Variants in BOD1L1 observed in about 807,000 individuals in gnomAD.
BOD1L1 encodes biorientation of chromosomes in cell division 1 like 1.
BOD1L1 carries 86 observed loss-of-function variants against 240.7 expected under a neutral mutation model. The ratio of observed to expected loss-of-function variants is 0.36; its 90% CI spans 0.30 to 0.43. The LOEUF is 0.43. BOD1L1 is among the 20% of genes least tolerant of loss of function. BOD1L1 has a pLI of 1.00. For missense variants in BOD1L1, 3,554 were observed against 3,643.5 expected (o/e 0.98, Z 0.63); for synonymous variants, 1,268 against 1,272.3 (o/e 1.00, Z 0.07).
At position 13,620,028 on chromosome 4, in the gene BOD1L1, C is replaced by T. The variant is rs766012278; in HGVS notation, c.283G>A (p.Val95Ile). The T allele has an allele frequency of 6.2e-7, 1 of 1,600,368 alleles. No homozygotes were observed. The highest frequency in any genetic ancestry group is 1.1e-5 in the South Asian group (1 of 90,092). ...QNLRQRVDNF[V>I]ANHLATHTWS... The stretch of plus-strand genomic sequence containing the variant: ...GTGTGAGTTGCCAAGTGATTTGCAA[C>T]AAAGTTGTCAACACGCTGTCTCAGA... Residue 95 changes from valine to isoleucine, a missense_variant, in exon 2 of 26, where the codon GTT (valine) becomes ATT (isoleucine). By Grantham distance (29) the Val-to-Ile change is conservative (BLOSUM62 3). Around this residue, in one of 2 missense-constraint regions of BOD1L1, gnomAD observed 161 missense variants for 216.4 expected, o/e 0.74. Transcript: ENST00000040738.
rs765783392 is a variant in BOD1L1 at position 13,601,350 on chromosome 4, A to G, written c.5550T>C (p.Asp1850=). The G allele has an allele frequency of 6.2e-7, 1 of 1,613,982 alleles. No individual in the cohort carries two copies. Among genetic ancestry groups the G allele is most frequent in the Non-Finnish European group, 8.5e-7 (1 of 1,179,906 alleles). The part of the protein sequence containing the change: ...NVPLVAAGPC[D]DEGIVTSTGA... ...CTGTGCTAGTCACAATGCCTTCATC[A>G]TCACAAGGACCAGCAGCAACTAATG... Residue 1850 remains aspartate, a synonymous_variant, in exon 10 of 26, where the codon GAT becomes GAC. Transcript: ENST00000040738.
At chr4:13,583,004 C>A (rs1418535832) in intron 17 of BOD1L1, among the ~76,000 whole-genome samples, 1 of 152,140 alleles carries the variant, frequency 6.6e-6, no homozygotes, top group East Asian at 1.9e-4. Flanking sequence ...AGAAATTGTT[C>A]TTCTCCTCCC....
intron 12 of BOD1L1, chr4:13,592,602 T>C (rs915140914): frequency 1.3e-5 from 2 of 152,250 alleles, no homozygotes; most frequent in Non-Finnish European, 2.9e-5. Context: ...CGTTAATTAT[T>C]TGTAGTATAA....
At chr4:13,591,627 C>T (rs1397229754) in intron 13 of BOD1L1, among the ~76,000 whole-genome samples, 1 of 152,154 alleles carries the variant, frequency 6.6e-6, no homozygotes, top group African/African-American at 2.4e-5. Context: ...TCTATTTTGT[C>T]TATAGCACCA....
chr4:13,581,088 C>T (rs1159382841), intron 20 of BOD1L1, 34 bp from the exon 21 acceptor site: 4 of 1,562,016 alleles, frequency 2.6e-6, no homozygotes, highest in African/African-American at 2.7e-5. Context: ...AAAATCGGTT[C>T]GAAAATTTCT....
At chr4:13,577,217 T>C (rs1453482847) in intron 24 of BOD1L1, among the ~76,000 whole-genome samples, 186 bp downstream of exon 24, 6 of 152,158 alleles carry the variant, frequency 3.9e-5, no homozygotes, top group Non-Finnish European at 8.8e-5. Context: ...TCATAAAAAA[T>C]TGACATGTAC....
In BOD1L1 at chr4:13,599,511, ATTC is replaced by A; in HGVS notation, c.7386_7388del (p.Lys2462del). The A allele has an allele frequency of 6.2e-7, 1 of 1,613,790 alleles. No individual in the cohort carries two copies. The highest frequency in any genetic ancestry group is 2.2e-5 in the East Asian group (1 of 44,854). On this transcript the variant is annotated inframe_deletion, in exon 10 of 26. Coordinates refer to ENST00000040738, the MANE Select transcript of BOD1L1 (RefSeq NM_148894.3). ...CTTTCTGAAGGGAGTTCAACAATAC[ATTC>A]TTCTCTTCTGCATTTATGAGGTGTA...
chr4:13,612,195 G>A (rs983636125), intron 5 of BOD1L1, among the ~76,000 whole-genome samples: 3 of 152,182 alleles, frequency 2.0e-5, no homozygotes, highest in South Asian at 4.1e-4. Flanking sequence ...AAAAATGGGA[G>A]GCATTGAGAA....
rs2108944598 is a variant in BOD1L1, at chr4:13,600,978, ACCT to A, written c.5919_5921del (p.Gly1974del). 1.2e-6 allele frequency: 2 copies of A among 1,613,700 alleles called. No homozygotes were observed. Among genetic ancestry groups the A allele is most frequent in the East Asian group, 4.5e-5 (2 of 44,858 alleles). On this transcript the variant is annotated inframe_deletion, in exon 10 of 26. Transcript: ENST00000040738. ...CAGCACTAGTCATAGGACCCTCACA[ACCT>A]CCTGGAACTGGTGTCACTTCATCCT...
At chr4:13,606,510 G>A (rs1715712841) in intron 9 of BOD1L1, among the ~76,000 whole-genome samples, 1 of 152,050 alleles carries the variant, frequency 6.6e-6, no homozygotes, top group African/African-American at 2.4e-5. Flanking sequence ...TTTGTCCCAC[G>A]AAAATAATCC....
chr4:13,599,484 T>A lies in BOD1L1; in HGVS notation c.7416A>T (p.Glu2472Asp). 6.2e-7 allele frequency: 1 copy of A among 1,614,028 alleles called. No individual in the cohort carries two copies. Among genetic ancestry groups the A allele is most frequent in the Non-Finnish European group, 8.5e-7 (1 of 1,179,896 alleles). The change falls in exon 10 of 26, where the codon GAA becomes GAT. Residue 2472 changes from glutamate to aspartate, a missense_variant. Glu to Asp is a conservative substitution (Grantham distance 45). This residue lies in a region of BOD1L1 where 3,393 missense variants were observed against 3,427.1 expected (regional missense o/e 0.99). Transcript: ENST00000040738. ...CTGTCCCTGTCTCTGGGCTCTTATC[T>A]TCTTTCTGAAGGGAGTTCAACAATA... is the stretch of plus-strand genomic sequence containing the variant. ...KNVLLNSLQK[E>D]DKSPETGTAG...
At chr4:13,572,024 T>C (rs1053736924) in intron 25 of BOD1L1, among the ~76,000 whole-genome samples, 4 of 152,174 alleles carry the variant, frequency 2.6e-5, no homozygotes, top group South Asian at 2.1e-4. Flanking sequence ...TTTTTGAATA[T>C]GATAATGTAT....
At chr4:13,606,877 A>G (rs1271676878) in intron 9 of BOD1L1, among the ~76,000 whole-genome samples, 1 of 152,124 alleles carries the variant, frequency 6.6e-6, no homozygotes, top group African/African-American at 2.4e-5. Flanking sequence ...TTGCAATTAT[A>G]AGAAATGGGA....
chr4:13,582,382 C>A, intron 18 of BOD1L1, 72 bp from the exon 19 acceptor site: 16 of 1,164,628 alleles, frequency 1.4e-5, no homozygotes, highest in Non-Finnish European at 1.9e-5. Context: ...CCCAGGTGAC[C>A]TACACAGCTG....
At position 13,614,343 on chromosome 4, in the gene BOD1L1, C is replaced by T; in HGVS notation, c.1027G>A (p.Glu343Lys). 1 of 1,550,392 alleles carries T rather than the reference C, an allele frequency of 6.4e-7. No individual in the cohort carries two copies. The change falls in exon 4 of 26, where the codon GAA becomes AAA. Residue 343 changes from glutamate to lysine, a missense_variant. This residue lies in a region of BOD1L1 where 3,393 missense variants were observed against 3,427.1 expected (regional missense o/e 0.99). Coordinates refer to ENST00000040738, the MANE Select transcript of BOD1L1 (RefSeq NM_148894.3). Reference sequence around the variant, plus strand: ...TTTTTTGAGTGATCAAATTTCTTTTCAGTCTTTTCCTTCTTTTCTTTCTTT... The same window carrying T: ...TTTTTTGAGTGATCAAATTTCTTTTTAGTCTTTTCCTTCTTTTCTTTCTTT... ...ERKKEKKEKT[E>K]KKFDHSKKSE... is the part of the protein sequence containing the mutation.
At position 13,579,957 on chromosome 4, in the gene BOD1L1, G is replaced by A. The variant is rs143854601; in HGVS notation, c.8720C>T (p.Ser2907Phe). 2 of 1,559,016 alleles carry A rather than the reference G, an allele frequency of 1.3e-6. No homozygotes were observed. Among genetic ancestry groups the A allele is most frequent in the Non-Finnish European group, 1.7e-6 (2 of 1,150,382 alleles). ...TTGCATTACTTTCAGTTTGCTGCTAGATGGAGATTGTTCTACCTATGTTTA... is the reference window on the plus strand; with the variant it reads ...TTGCATTACTTTCAGTTTGCTGCTAAATGGAGATTGTTCTACCTATGTTTA... ...TGIVTVEQSPSSSKLKVMQTD... is the reference protein window; with the variant it reads ...TGIVTVEQSPFSSKLKVMQTD... The change falls in exon 22 of 26, where the codon TCT (serine) becomes TTT (phenylalanine). Residue 2907 changes from serine (S) to phenylalanine (F), a missense_variant. Coordinates refer to ENST00000040738, the MANE Select transcript of BOD1L1 (RefSeq NM_148894.3).
rs1370950519 is a variant in BOD1L1 at position 13,610,945 on chromosome 4, G to A, written c.1480C>T (p.Arg494Ter). The A allele has an allele frequency of 5.0e-6, 8 of 1,601,884 alleles. No individual in the cohort carries two copies. The highest frequency in any genetic ancestry group is 1.3e-5 in the African/African-American group (1 of 74,184). Reference protein sequence around the residue: ...SDDELTVEQRRQSIAKEKEER... With the variant: ...SDDELTVEQR ...CAAACTGGACTTACAATGGACTGTC[G>A]TCGTTGTTCTACAGTAAGCTCATCA... Residue 494 changes from arginine (R) to a stop codon, truncating the protein, a stop_gained, in exon 6 of 26, where the codon CGA becomes TGA. Coordinates refer to ENST00000040738, the MANE Select transcript of BOD1L1 (RefSeq NM_148894.3). LOFTEE classifies it high-confidence loss of function.
chr4:13,598,425 T>G (rs1436243009), intron 10 of BOD1L1, among the ~76,000 whole-genome samples: 1 of 152,166 alleles, frequency 6.6e-6, no homozygotes, highest in Non-Finnish European at 1.5e-5. Flanking sequence ...CATCCCGTCT[T>G]ATTATCCCCA....
intron 25 of BOD1L1, among the ~76,000 whole-genome samples, chr4:13,573,465 TA>T (rs1462103180): frequency 8.0e-4 from 91 of 113,632 alleles, no homozygotes; most frequent in African/African-American, 8.9e-4. Flanking sequence ...TCTATCTATC[TA>T]TCTATCTTTC....
Sources: gnomAD v4.1 joint callset for allele counts (sites outside exome capture counted in the v4.1 genomes callset) on GRCh38, gnomAD v4.1.1 for gene constraint, gnomAD v4.1.1 regional missense constraint, MANE v1.5 for transcripts, NCBI Gene and HGNC (gene_info 2026-07-23, HGNC 2026-07-21) for gene names.